The following EEF1A2 variants were observed in gnomAD, a reference collection of about 807,000 sequenced individuals.
EEF1A2 encodes the protein eukaryotic translation elongation factor 1 alpha 2, also known as elongation factor 1-alpha 2.
Under a neutral mutation model 39.3 loss-of-function variants are expected in EEF1A2, and 5 were observed. That is an observed-to-expected ratio of 0.13 (90% confidence interval 0.07 to 0.27). The LOEUF (loss-of-function observed/expected upper bound fraction) is 0.27, where lower values mean the gene tolerates loss of function less well. Ranked by LOEUF, EEF1A2 falls within the 10% of genes least tolerant of loss-of-function variation. The pLI is 1.00. For missense variants in EEF1A2, 218 were observed against 681.4 expected, an observed-to-expected ratio of 0.32 and a Z score of 7.57; for synonymous variants, 287 against 293.7, an observed-to-expected ratio of 0.98 and a Z score of 0.23.
At chr20:63,496,167 C>T (rs1568997499) in intron 2 of EEF1A2, 132 bp from the exon 3 acceptor site, 6 of 1,180,368 alleles carry the variant, frequency 5.1e-6, no homozygotes, top group South Asian at 1.5e-5. Context: ...TGCTCTCCGT[C>T]GGGGTCCTGG....
intron 2 of EEF1A2, chr20:63,496,308 GCTC>G: frequency 2.0e-6 from 1 of 497,384 alleles, no homozygotes; most frequent in Non-Finnish European, 3.6e-6. Flanking sequence ...GGAGTCGCTC[GCTC>G]TACGAGCGAA....
In EEF1A2 at chr20:63,497,951, T is replaced by A; in HGVS notation, c.-71-117A>T. 1.3e-6 allele frequency: 1 copy of A among 770,542 alleles called. No individual in the cohort carries two copies. The highest frequency in any genetic ancestry group is 1.9e-6 in the Non-Finnish European group (1 of 513,998). The allele number at this position is 770,542 out of a possible 1,614,324, so 47.7% of individuals were successfully genotyped here. Reference sequence around the variant, plus strand: ...TCCCTGCCCACAAACCAAGCCCCCATGTTTGGTGGGGAGGGAAGGGCCCCC... The same window carrying A: ...TCCCTGCCCACAAACCAAGCCCCCAAGTTTGGTGGGGAGGGAAGGGCCCCC... On this transcript the variant is annotated intron_variant, in intron 1 of 7. Coordinates refer to ENST00000217182, the MANE Select transcript of EEF1A2 (RefSeq NM_001958.5). The surrounding 1 kb of genome is among the most constrained non-coding windows in gnomAD (Gnocchi z 7.3).
Position 63,497,975 on chromosome 20 carries a change from C to T in EEF1A2, c.-71-141G>A. On this transcript the variant is annotated intron_variant, in intron 1 of 7. Transcript: ENST00000217182. This position sits in a 1 kb window ranked among gnomAD's most constrained non-coding sequence, Gnocchi z 7.3. ...ATGTTTGGTGGGGAGGGAAGGGCCC[C>T]CACCCACAGCTGGGCCTGGCCAGGG... 1.6e-6 allele frequency: 1 copy of T among 611,232 alleles called. No individual in the cohort carries two copies. Among genetic ancestry groups the T allele is most frequent in the Non-Finnish European group, 2.7e-6 (1 of 372,152 alleles). The allele number at this position is 611,232 out of a possible 1,614,324, so 37.9% of individuals were successfully genotyped here. A position where few individuals can be genotyped will look rare whatever the true frequency, so the allele number is the denominator to read the frequency against.
rs559968063 is a variant in EEF1A2 at position 63,488,784 on chromosome 20, C to T, written c.1264+134G>A. On this transcript the variant is annotated intron_variant, in intron 7 of 7. Transcript: ENST00000217182. ...TGACACGGAGGCCGTGGCTCTCCTG[C>T]CATGCTCTGGGCCAAGCTCCGCAGG... 8.9e-6 allele frequency: 9 copies of T among 1,010,556 alleles called. No individual in the cohort carries two copies. The African/African-American group carries it at 1.3e-4, about 15-fold the overall frequency. 62.6% of individuals were successfully genotyped at this position (1,010,556 alleles called of 1,614,324 possible). A position where few individuals can be genotyped will look rare whatever the true frequency, so the allele number is the denominator to read the frequency against.
At position 63,497,801 on chromosome 20, in the gene EEF1A2, G is replaced by T. The variant is rs2082425146; in HGVS notation, c.-38C>A. The stretch of plus-strand genomic sequence containing the variant: ...GTGAGGGGCTGGCGGGACCCGGGGT[G>T]CTCTGGCTCAGGGCGAGGGGGGCTG... On this transcript the variant is annotated 5_prime_UTR_variant, in exon 2 of 8. Transcript: ENST00000217182. This position sits in a 1 kb window ranked among gnomAD's most constrained non-coding sequence, Gnocchi z 7.3. 7 of 1,599,672 alleles carry T rather than the reference G, an allele frequency of 4.4e-6. No homozygotes were observed. The highest frequency in any genetic ancestry group is 6.0e-6 in the Non-Finnish European group (7 of 1,172,574).
In EEF1A2 at chr20:63,493,134, C is replaced by G; in HGVS notation, c.772+3G>C. The G allele has an allele frequency of 6.5e-7, 1 of 1,547,200 alleles. No homozygotes were observed. Among genetic ancestry groups the G allele is most frequent in the Non-Finnish European group, 8.7e-7 (1 of 1,145,352 alleles). ...GGAGCTCCAGCACAGCGCCCTTGCT[C>G]ACCGCCAATCTTGTACACGTCCTGC... is the stretch of plus-strand genomic sequence containing the variant. On this transcript the variant is annotated splice_donor_region_variant and intron_variant, in intron 5 of 7. Transcript: ENST00000217182.
chr20:63,488,373 C>T lies in EEF1A2; in HGVS notation c.1317G>A (p.Lys439=), dbSNP rs1407053807. ...MRQTVAVGVI[K]NVEKKSGGAG... is the part of the protein sequence containing the mutation. ...CGCCGCCGCTCTTCTTCTCCACGTT[C>T]TTGATGACGCCTACGGCCACCGTCT... The change falls in exon 8 of 8, where the codon AAG becomes AAA. Residue 439 remains lysine, a synonymous_variant. Transcript: ENST00000217182. 2 of 1,480,056 alleles carry T rather than the reference C, an allele frequency of 1.4e-6. No homozygotes were observed. Among genetic ancestry groups the T allele is most frequent in the South Asian group, 1.3e-5 (1 of 77,914 alleles). 91.7% of individuals were successfully genotyped at this position (1,480,056 alleles called of 1,614,324 possible).
At chr20:63,494,617 C>G (rs1487963037) in intron 4 of EEF1A2, among the ~76,000 whole-genome samples, 188 bp downstream of exon 4, 1 of 152,232 alleles carries the variant, frequency 6.6e-6, no homozygotes, top group South Asian at 2.1e-4. Context: ...GAGCAAAGCC[C>G]GGTGCTGAGG....
chr20:63,494,492 G>A (rs2082407455), intron 4 of EEF1A2, among the ~76,000 whole-genome samples: 1 of 152,252 alleles, frequency 6.6e-6, no homozygotes, highest in South Asian at 2.1e-4. Flanking sequence ...CCGCCCCCAT[G>A]GCAGGGCTCT....
At chr20:63,489,519 A>C (rs2082368610) in intron 6 of EEF1A2, among the ~76,000 whole-genome samples, 2 of 152,358 alleles carry the variant, frequency 1.3e-5, no homozygotes, top group South Asian at 4.1e-4. Flanking sequence ...ACGGTGGCTC[A>C]CACCTGTCAT....
rs1222163638 is a variant in EEF1A2 at position 63,498,322 on chromosome 20, C to G, written c.-71-488G>C. 6.6e-6 allele frequency: 1 copy of G among 152,468 alleles called. No individual in the cohort carries two copies. The highest frequency in any genetic ancestry group is 1.5e-5 in the Non-Finnish European group (1 of 68,272). The allele number at this position is 152,468 out of a possible 1,614,324, so 9.4% of individuals were successfully genotyped here. On this transcript the variant is annotated intron_variant, in intron 1 of 7. Coordinates refer to ENST00000217182, the MANE Select transcript of EEF1A2 (RefSeq NM_001958.5). This position sits in a 1 kb window ranked among gnomAD's most constrained non-coding sequence, Gnocchi z 4.1. ...CCCCACTCCCCTCCTCAGGCAGGGA[C>G]GGCGCCATCTTCCCCTCATCCCTGC... is the stretch of plus-strand genomic sequence containing the variant.
intron 6 of EEF1A2, 118 bp from the exon 7 acceptor site, chr20:63,489,270 G>A (rs1248190036): frequency 3.1e-6 from 3 of 977,342 alleles, no homozygotes; most frequent in Non-Finnish European, 3.0e-6. Flanking sequence ...TGGGCCCGGA[G>A]TGCTGACTGG....
rs757501495 is a variant in EEF1A2, at chr20:63,495,144, G to T, written c.325-43C>A. Reference sequence around the variant, plus strand: ...CAGTGAGCCCTGCCCCGCCTGCCTGGCAGGGGACAGAGCGAGCCTGGCCCC... The same window carrying T: ...CAGTGAGCCCTGCCCCGCCTGCCTGTCAGGGGACAGAGCGAGCCTGGCCCC... On this transcript the variant is annotated intron_variant, in intron 3 of 7. Transcript: ENST00000217182. 8 of 1,590,568 alleles carry T rather than the reference G, an allele frequency of 5.0e-6. No homozygotes were observed. The East Asian group carries it at 1.8e-4, about 36-fold the overall frequency.
chr20:63,496,113 G>C (rs1354936031), intron 2 of EEF1A2, 78 bp from the exon 3 acceptor site: 3 of 1,537,080 alleles, frequency 2.0e-6, no homozygotes, highest in Non-Finnish European at 2.7e-6. Context: ...GCTTGTTACA[G>C]CAGAGTGGCC....
At chr20:63,499,027 G>A (rs2082431766) in intron 1 of EEF1A2, 31 bp downstream of exon 1, 1 of 149,998 alleles carries the variant, frequency 6.7e-6, no homozygotes, top group South Asian at 2.1e-4. Flanking sequence ...ACGGGGGCGG[G>A]GGCGGAGGCC....
At chr20:63,492,536 GGATGGATGGAT>G in intron 5 of EEF1A2, among the ~76,000 whole-genome samples, 1 of 18,678 alleles carries the variant, frequency 5.4e-5, no homozygotes, top group South Asian at 2.4e-3. Context: ...ATGGATGGAA[GGATGGATGGAT>G]GGATAGAGAG....
chr20:63,496,327 C>T, intron 2 of EEF1A2: 1 of 465,934 alleles, frequency 2.1e-6, no homozygotes. Context: ...GCGAAGCCGC[C>T]AGATGGGATA....
chr20:63,497,410 T>C lies in EEF1A2; in HGVS notation c.144+210A>G. 1 of 664,262 alleles carries C rather than the reference T, an allele frequency of 1.5e-6. No individual in the cohort carries two copies. Among genetic ancestry groups the C allele is most frequent in the Non-Finnish European group, 2.3e-6 (1 of 433,924 alleles). The allele number at this position is 664,262 out of a possible 1,614,324, so 41.1% of individuals were successfully genotyped here. The stretch of plus-strand genomic sequence containing the variant: ...CCACAGGGCAAGTCCGGCAGCTCGA[T>C]GGCCACCCCTCCCCCACCAAGCTCC... On this transcript the variant is annotated intron_variant, in intron 2 of 7. Transcript: ENST00000217182. The surrounding 1 kb of genome is among the most constrained non-coding windows in gnomAD (Gnocchi z 7.3).
chr20:63,489,375 G>A (rs1245528487), intron 6 of EEF1A2, among the ~76,000 whole-genome samples: 1 of 152,212 alleles, frequency 6.6e-6, no homozygotes, highest in Non-Finnish European at 1.5e-5. Flanking sequence ...TGTTTCGAAG[G>A]GGCAGGGGCA....
Sources: allele counts gnomAD v4.1 joint callset (sites outside exome capture counted in the v4.1 genomes callset), GRCh38; gene constraint gnomAD v4.1.1; non-coding constraint Gnocchi (gnomAD v3.1); transcripts MANE v1.5; gene names NCBI Gene and HGNC (gene_info 2026-07-23, HGNC 2026-07-21).